Variants in R3HDM2 observed in about 807,000 individuals in gnomAD.
R3HDM2 encodes R3H domain-containing protein 2.
Under a neutral mutation model 124.5 loss-of-function variants are expected in R3HDM2, and 38 were observed. The observed-to-expected ratio is 0.31, with a 90% confidence interval of 0.24 to 0.40. The LOEUF is 0.40. Ranked by LOEUF, R3HDM2 falls within the 10% of genes least tolerant of loss-of-function variation. The pLI is 1.00. For missense variants in R3HDM2, 869 were observed against 1,236.9 expected, an observed-to-expected ratio of 0.70 and a Z score of 4.46; for synonymous variants, 391 against 448.0, an observed-to-expected ratio of 0.87 and a Z score of 1.61.
chr12:57,385,378 A>T (rs920917768), intron 2 of R3HDM2, among the ~76,000 whole-genome samples: 1 of 149,304 alleles, frequency 6.7e-6, no homozygotes, highest in African/African-American at 2.5e-5. Flanking sequence ...AGTAGCTGGG[A>T]CTTACAGGCG....
At chr12:57,320,239 C>G (rs1464090725) in intron 2 of R3HDM2, among the ~76,000 whole-genome samples, 1 of 77,656 alleles carries the variant, frequency 1.3e-5, no homozygotes. Flanking sequence ...CCAGCTTGGG[C>G]AACAAGAGTG....
intron 1 of R3HDM2, among the ~76,000 whole-genome samples, chr12:57,416,434 C>G (rs1180890788): frequency 6.6e-6 from 1 of 152,166 alleles, no homozygotes; most frequent in East Asian, 1.9e-4. Flanking sequence ...CCAAAAAGAA[C>G]AAGAAGCAAC....
intron 2 of R3HDM2, among the ~76,000 whole-genome samples, chr12:57,362,157 A>G (rs765316574): frequency 7.9e-5 from 12 of 152,264 alleles, no homozygotes; most frequent in South Asian, 6.2e-4. Context: ...ACAGTCAAAC[A>G]TAAATTGTGA....
chr12:57,274,333 G>A (rs145978213), intron 14 of R3HDM2, among the ~76,000 whole-genome samples: 11 of 152,086 alleles, frequency 7.2e-5, no homozygotes, highest in South Asian at 4.2e-4. Flanking sequence ...AATTAGCTGC[G>A]CATGGTGGCA....
intron 12 of R3HDM2, among the ~76,000 whole-genome samples, chr12:57,288,394 C>G (rs148138269): frequency 6.6e-6 from 1 of 151,686 alleles, no homozygotes; most frequent in Middle Eastern, 3.4e-3. Context: ...CTCTCTCTCT[C>G]TCTATATATA....
intron 14 of R3HDM2, among the ~76,000 whole-genome samples, chr12:57,278,027 C>T (rs1232080977): frequency 6.6e-6 from 1 of 152,136 alleles, no homozygotes; most frequent in Admixed American, 6.5e-5. Flanking sequence ...GAGATACATA[C>T]AGTGAGATGG....
At chr12:57,397,020 G>A (rs78477939) in intron 1 of R3HDM2, among the ~76,000 whole-genome samples, 5,333 of 152,022 alleles carry the variant, frequency 0.035, 194 homozygotes, top group East Asian at 0.2. Flanking sequence ...TTGAACCCAG[G>A]AGACAGAAAT....
At chr12:57,299,008 T>C (rs2050513242) in intron 6 of R3HDM2, among the ~76,000 whole-genome samples, 1 of 152,110 alleles carries the variant, frequency 6.6e-6, no homozygotes, top group African/African-American at 2.4e-5. Flanking sequence ...AATATCACCC[T>C]AGCCATCCCC....
intron 2 of R3HDM2, among the ~76,000 whole-genome samples, chr12:57,364,809 C>T (rs573049217): frequency 6.6e-5 from 10 of 151,426 alleles, no homozygotes; most frequent in East Asian, 3.9e-4. Flanking sequence ...AAAAATTAGC[C>T]GGGCGTGGTG....
rs1237320290 is a variant in R3HDM2 at position 57,254,390 on chromosome 12, A to T, written c.*383T>A. 10 of 379,442 alleles carry T rather than the reference A, an allele frequency of 2.6e-5. 1 individual carries two copies. The highest frequency in any genetic ancestry group is 5.0e-5 in the Non-Finnish European group (10 of 199,320). 23.5% of individuals were successfully genotyped at this position (379,442 alleles called of 1,614,324 possible). A position where few individuals can be genotyped will look rare whatever the true frequency, so the allele number is the denominator to read the frequency against. ...GTGGCGCGTGTCTGTAGTGCCAGCT[A>T]CTTGGGAGGCTGAGGCAGGAGAATC... is the stretch of plus-strand genomic sequence containing the variant. On this transcript the variant is annotated 3_prime_UTR_variant, in exon 24 of 24. Coordinates refer to ENST00000402412, the MANE Select transcript of R3HDM2 (RefSeq NM_001394031.1).
In R3HDM2 at chr12:57,296,024, C is replaced by T. The variant is rs1050820466; in HGVS notation, c.701+387G>A. 6.6e-5 allele frequency among the ~76,000 whole-genome samples: 10 copies of T among 151,750 alleles called. No homozygotes were observed. The highest frequency in any genetic ancestry group is 3.3e-4 in the Admixed American group (5 of 15,244). On this transcript the variant is annotated intron_variant, in intron 9 of 23. Coordinates refer to ENST00000402412, the MANE Select transcript of R3HDM2 (RefSeq NM_001394031.1). The surrounding 1 kb of genome is among the most constrained non-coding windows in gnomAD (Gnocchi z 4.5). ...AGCTGGGATTACAGGCGCCTGCCAC[C>T]GCGCCCGGCTAATTTTTGTATTTTT...
intron 2 of R3HDM2, among the ~76,000 whole-genome samples, chr12:57,383,292 C>T (rs1421417394): frequency 6.6e-6 from 1 of 152,018 alleles, no homozygotes; most frequent in Non-Finnish European, 1.5e-5. Flanking sequence ...TGCACTCCAA[C>T]CTGGAGTGAG....
At chr12:57,387,404 C>T (rs745447781) in intron 2 of R3HDM2, among the ~76,000 whole-genome samples, 3 of 152,056 alleles carry the variant, frequency 2.0e-5, no homozygotes, top group Admixed American at 6.6e-5. Flanking sequence ...CCAGACACAC[C>T]GCCTTTAAGA....
intron 3 of R3HDM2, among the ~76,000 whole-genome samples, chr12:57,303,963 T>C (rs1253460512): frequency 6.6e-6 from 1 of 152,010 alleles, no homozygotes; most frequent in South Asian, 2.1e-4. Context: ...TTTCCCCCAA[T>C]CCTGTTCACA....
chr12:57,319,076 C>T (rs758281081), intron 2 of R3HDM2, among the ~76,000 whole-genome samples: 3 of 152,152 alleles, frequency 2.0e-5, no homozygotes, highest in African/African-American at 4.8e-5. Context: ...TATTTAGAAG[C>T]TTTCTCATTC....
At chr12:57,341,942 A>C (rs2059607445) in intron 2 of R3HDM2, among the ~76,000 whole-genome samples, 1 of 152,224 alleles carries the variant, frequency 6.6e-6, no homozygotes. Context: ...ATAGTGTAAA[A>C]GTTCTAGCAA....
intron 2 of R3HDM2, among the ~76,000 whole-genome samples, chr12:57,369,801 A>C (rs1409700442): frequency 6.6e-6 from 1 of 152,118 alleles, no homozygotes; most frequent in African/African-American, 2.4e-5. Flanking sequence ...GGAATTTAAA[A>C]ATATATATAT....
At chr12:57,300,271 T>C (rs756280732) in intron 4 of R3HDM2, 90 bp from the exon 5 acceptor site, 54 of 1,143,980 alleles carry the variant, frequency 4.7e-5, no homozygotes, top group Non-Finnish European at 6.3e-5. Context: ...TTTGGCTGAA[T>C]GAAAAGTGTC....
chr12:57,327,466 CAAA>C (rs34045324), intron 2 of R3HDM2, among the ~76,000 whole-genome samples: 5 of 105,768 alleles, frequency 4.7e-5, no homozygotes, highest in Admixed American at 9.9e-5. Flanking sequence ...GACTCCGTCT[CAAA>C]AAAAAAAAAA....
Sources: allele counts gnomAD v4.1 joint callset (sites outside exome capture counted in the v4.1 genomes callset), GRCh38; gene constraint gnomAD v4.1.1; non-coding constraint Gnocchi (gnomAD v3.1); transcripts MANE v1.5; gene names NCBI Gene and HGNC (gene_info 2026-07-23, HGNC 2026-07-21).